Variants in R3HCC1 observed in about 807,000 individuals in gnomAD.
R3HCC1 encodes the protein R3H domain and coiled-coil containing 1.
A neutral mutation model predicts 40.0 loss-of-function variants in R3HCC1; 32 were observed. That is an observed-to-expected ratio of 0.80 (90% CI 0.60 to 1.07). The LOEUF (loss-of-function observed/expected upper bound fraction) is 1.07, where lower values mean the gene tolerates loss of function less well. Among genes scored for constraint, R3HCC1 ranks in the 50% least tolerant of loss-of-function variants. The pLI is 0.00. For missense variants in R3HCC1, 586 were observed against 563.3 expected (o/e 1.04, Z -0.41); for synonymous variants, 237 against 232.8 (o/e 1.02, Z -0.17).
intron 7 of R3HCC1, chr8:23,295,733 G>C: frequency 1.7e-6 from 1 of 590,596 alleles, no homozygotes; most frequent in Non-Finnish European, 3.0e-6. Context: ...TAGAGACAGA[G>C]AAACAAGGGC....
chr8:23,291,868 C>T (rs1031889404), intron 5 of R3HCC1, among the ~76,000 whole-genome samples: 8 of 152,178 alleles, frequency 5.3e-5, no homozygotes, highest in Middle Eastern at 3.2e-3. Flanking sequence ...TGCCTCCCAG[C>T]GGCTGCTCAG....
Position 23,296,016 on chromosome 8 carries a change from C to T in R3HCC1, c.1242C>T (p.Ala414=). The T allele has an allele frequency of 1.0e-5, 16 of 1,550,856 alleles. No homozygotes were observed. Among genetic ancestry groups the T allele is most frequent in the Non-Finnish European group, 1.4e-5 (16 of 1,146,906 alleles). Residue 414 remains alanine, a synonymous_variant, in exon 8 of 8, where the codon GCC becomes GCT. Coordinates refer to ENST00000265806, the MANE Select transcript of R3HCC1 (RefSeq NM_001136108.3). ...GGCCACAGACAAATGCGACTGTGGC[C>T]CGGCGGCTGGTGGCCCGGGCCCTGG...
At chr8:23,293,990 C>A (rs543323804) in intron 6 of R3HCC1, among the ~76,000 whole-genome samples, 2 of 152,294 alleles carry the variant, frequency 1.3e-5, no homozygotes, top group South Asian at 4.1e-4. Context: ...TTTATAGTTA[C>A]CCGCGCCACG....
chr8:23,289,421 G>A (rs1375219668), intron 3 of R3HCC1, among the ~76,000 whole-genome samples: 1 of 152,172 alleles, frequency 6.6e-6, no homozygotes, highest in African/African-American at 2.4e-5. Context: ...TGTGTGGCGG[G>A]GGGCCTCCCT....
intron 6 of R3HCC1, 140 bp from the exon 7 acceptor site, chr8:23,294,629 C>T: frequency 1.5e-6 from 1 of 666,914 alleles, no homozygotes; most frequent in Non-Finnish European, 2.6e-6. Flanking sequence ...TCGTCTCTTG[C>T]CCATCCAGGG....
Position 23,290,140 on chromosome 8 carries a change from G to A in R3HCC1, c.523G>A (p.Ala175Thr). Residue 175 changes from alanine (A) to threonine (T), a missense_variant, in exon 4 of 8, where the codon GCT becomes ACT. Transcript: ENST00000265806. Reference sequence around the variant, plus strand: ...CCCAGAAGAGCCTGGAGATGTTGGTGCTGGAGACCCCAACTCTGATCAGGG... The same window carrying A: ...CCCAGAAGAGCCTGGAGATGTTGGTACTGGAGACCCCAACTCTGATCAGGG... 3 of 1,551,556 alleles carry A rather than the reference G, an allele frequency of 1.9e-6. No homozygotes were observed. The highest frequency in any genetic ancestry group is 2.6e-6 in the Non-Finnish European group (3 of 1,147,004).
At chr8:23,289,237 TG>T (rs1194810171) in intron 3 of R3HCC1, 84 bp downstream of exon 3, 4 of 1,451,310 alleles carry the variant, frequency 2.8e-6, no homozygotes, top group South Asian at 2.6e-5. Flanking sequence ...AGGGCAGGGC[TG>T]GGGGGAACCA....
At chr8:23,289,299 G>A in intron 3 of R3HCC1, 146 bp downstream of exon 3, 3 of 920,566 alleles carry the variant, frequency 3.3e-6, no homozygotes, top group South Asian at 3.4e-5. Flanking sequence ...GCTCAGCCAG[G>A]GCTGCCTTTT....
rs1049092313 is a variant in R3HCC1 at position 23,290,386 on chromosome 8, G to T, written c.769G>T (p.Glu257Ter). ...TCTGTTGGAGAAGAGGCTGGTGGCA[G>T]AGGAGGAAGAGGACGAAGAGGAGGT... Residue 257 changes from glutamate to a stop codon, truncating the protein, a stop_gained, in exon 4 of 8, where the codon GAG (glutamate) becomes TAG (stop). Coordinates refer to ENST00000265806, the MANE Select transcript of R3HCC1 (RefSeq NM_001136108.3). LOFTEE classifies it high-confidence loss of function. The T allele has an allele frequency of 1.2e-5, 19 of 1,551,776 alleles. No homozygotes were observed. Among genetic ancestry groups the T allele is most frequent in the Non-Finnish European group, 1.5e-5 (17 of 1,147,018 alleles).
At position 23,290,240 on chromosome 8, in the gene R3HCC1, T is replaced by C. The variant is rs774597756; in HGVS notation, c.623T>C (p.Leu208Pro). ...CAAAGGTGTGAGAATGAGCCACTGCTGGACCCTGTTGGCCCTGAGCCTCTG... is the reference window on the plus strand; with the variant it reads ...CAAAGGTGTGAGAATGAGCCACTGCCGGACCCTGTTGGCCCTGAGCCTCTG... The change falls in exon 4 of 8, where the codon CTG (leucine) becomes CCG (proline). Residue 208 changes from leucine to proline, a missense_variant. Leu to Pro is a moderately conservative substitution (Grantham distance 98). Transcript: ENST00000265806. The C allele has an allele frequency of 7.2e-5, 112 of 1,551,612 alleles. No homozygotes were observed. Among genetic ancestry groups the C allele is most frequent in the Middle Eastern group, 3.3e-4 (2 of 6,014 alleles).
rs1170389021 is a variant in R3HCC1 at position 23,288,123 on chromosome 8, C to CGCCGAGGGCGGCTGCGACGCGCCGAGAG, written c.-48_-21dup. Reference sequence around the variant, plus strand: ...GCTCGGGCGCGCTGGCCCCTGGGGACGCCGAGGGCGGCTGCGACGCGCCGA... The same window carrying CGCCGAGGGCGGCTGCGACGCGCCGAGAG: ...GCTCGGGCGCGCTGGCCCCTGGGGACGCCGAGGGCGGCTGCGACGCGCCGAGAGGCCGAGGGCGGCTGCGACGCGCCGA... On this transcript the variant is annotated 5_prime_UTR_variant, in exon 1 of 8. Coordinates refer to ENST00000265806, the MANE Select transcript of R3HCC1 (RefSeq NM_001136108.3). The CGCCGAGGGCGGCTGCGACGCGCCGAGAG allele has an allele frequency of 7.9e-7, 1 of 1,257,982 alleles. No individual in the cohort carries two copies. The highest frequency in any genetic ancestry group is 1.0e-6 in the Non-Finnish European group (1 of 975,214). The allele number at this position is 1,257,982 out of a possible 1,614,324, so 77.9% of individuals were successfully genotyped here. A position where few individuals can be genotyped will look rare whatever the true frequency, so the allele number is the denominator to read the frequency against.
At chr8:23,295,769 G>A (rs897789381) in intron 7 of R3HCC1, 198 bp from the exon 8 acceptor site, 5 of 733,230 alleles carry the variant, frequency 6.8e-6, no homozygotes, top group Admixed American at 3.0e-5. Flanking sequence ...GTTTGGGTCA[G>A]CATCCCCTGG....
In R3HCC1 at chr8:23,290,274, G is replaced by C. The variant is rs1195616463; in HGVS notation, c.657G>C (p.Glu219Asp). ...TTGGCCCTGAGCCTCTGGGGCCTGAGAGTCAGTCAGGGAAGGGAGACATGG... is the reference window on the plus strand; with the variant it reads ...TTGGCCCTGAGCCTCTGGGGCCTGACAGTCAGTCAGGGAAGGGAGACATGG... Residue 219 changes from glutamate to aspartate, a missense_variant, in exon 4 of 8, where the codon GAG (glutamate) becomes GAC (aspartate). Physicochemically the swap from Glu to Asp is conservative, Grantham distance 45. Coordinates refer to ENST00000265806, the MANE Select transcript of R3HCC1 (RefSeq NM_001136108.3). The C allele has an allele frequency of 1.7e-5, 26 of 1,551,666 alleles. No homozygotes were observed. Among genetic ancestry groups the C allele is most frequent in the Middle Eastern group, 1.7e-4 (1 of 6,014 alleles).
At chr8:23,293,252 A>G (rs1802908754) in intron 5 of R3HCC1, 51 bp from the exon 6 acceptor site, 13 of 1,442,838 alleles carry the variant, frequency 9.0e-6, no homozygotes, top group Non-Finnish European at 1.2e-5. Flanking sequence ...TTCGAAGAGG[A>G]GTTTGACTGC....
rs769732047 is a variant in R3HCC1 at position 23,296,275 on chromosome 8, T to C, written c.*178T>C. 5.2e-5 allele frequency: 38 copies of C among 725,438 alleles called. No individual in the cohort carries two copies. The highest frequency in any genetic ancestry group is 1.0e-4 in the Admixed American group (3 of 29,784). 44.9% of individuals were successfully genotyped at this position (725,438 alleles called of 1,614,324 possible). A position where few individuals can be genotyped will look rare whatever the true frequency, so the allele number is the denominator to read the frequency against. ...AAAATAAAAACTCACGTTGTTCTAATGTGATCACTTTGAAATGTGGTCTGT... is the reference window on the plus strand; with the variant it reads ...AAAATAAAAACTCACGTTGTTCTAACGTGATCACTTTGAAATGTGGTCTGT... On this transcript the variant is annotated 3_prime_UTR_variant, in exon 8 of 8. Coordinates refer to ENST00000265806, the MANE Select transcript of R3HCC1 (RefSeq NM_001136108.3).
At chr8:23,294,910 T>TGC in intron 7 of R3HCC1, 46 bp downstream of exon 7, 1 of 1,350,566 alleles carries the variant, frequency 7.4e-7, no homozygotes, top group Non-Finnish European at 1.0e-6. Context: ...TGTGTGTGTG[T>TGC]GTGCGTGCGA....
intron 5 of R3HCC1, among the ~76,000 whole-genome samples, chr8:23,292,136 C>T (rs962340351): frequency 2.6e-5 from 4 of 151,284 alleles, no homozygotes; most frequent in African/African-American, 4.9e-5. Context: ...TCTTTCTCCT[C>T]TTTTTTTTTG....
At chr8:23,294,929 G>A in intron 7 of R3HCC1, 65 bp downstream of exon 7, 1 of 1,103,022 alleles carries the variant, frequency 9.1e-7, no homozygotes, top group Admixed American at 2.0e-5. Context: ...GAGCATGTGT[G>A]TGTGTGCGTG....
At chr8:23,291,098 T>C in intron 4 of R3HCC1, 1 of 339,428 alleles carries the variant, frequency 2.9e-6, no homozygotes, top group Non-Finnish European at 5.4e-6. Flanking sequence ...AACAGCTTTC[T>C]AAAATATAGT....
Sources: allele counts gnomAD v4.1 joint callset (sites outside exome capture counted in the v4.1 genomes callset), GRCh38; gene constraint gnomAD v4.1.1; transcripts MANE v1.5; gene names NCBI Gene and HGNC (gene_info 2026-07-23, HGNC 2026-07-21).